The following DNAJC10 variants were observed in gnomAD, a reference collection of about 807,000 sequenced individuals.
The protein encoded by DNAJC10 is endoplasmic reticulum disulfide reductase DNAJC10.
In DNAJC10, 101 loss-of-function variants were observed where a neutral mutation model predicts 115.0. That is an observed-to-expected ratio of 0.88 (90% CI 0.75 to 1.04). DNAJC10 has a LOEUF of 1.04. Among genes scored for constraint, DNAJC10 ranks in the 50% least tolerant of loss-of-function variants. The pLI, the probability that DNAJC10 is intolerant of heterozygous loss-of-function variation, is 0.00. For synonymous variants in DNAJC10, 307 were observed against 301.5 expected, an observed-to-expected ratio of 1.02 and a Z score of -0.19; for missense variants, 981 against 928.8, an observed-to-expected ratio of 1.06 and a Z score of -0.73.
At chr2:182,743,560 A>G in intron 13 of DNAJC10, 38 bp from the exon 14 acceptor site, 1 of 1,400,212 alleles carries the variant, frequency 7.1e-7, no homozygotes, top group Non-Finnish European at 1.0e-6. Flanking sequence ...AATGGGTAAG[A>G]CAGTGTTTTT....
At position 182,765,559 on chromosome 2, in the gene DNAJC10, C is replaced by T. The variant is rs185352531; in HGVS notation, c.2265+2758C>T. The stretch of plus-strand genomic sequence containing the variant: ...TTAAGAAACCGATTCCATGCGGTTG[C>T]GAGGGCTTCCACAGCTGCAAGCCAA... On this transcript the variant is annotated intron_variant, in intron 22 of 23. Transcript: ENST00000264065. Among the ~76,000 whole-genome samples the T allele has an allele frequency of 1.2e-3, 188 of 152,268 alleles. 1 individual carries two copies. The highest frequency in any genetic ancestry group is 4.2e-3 in the African/African-American group (174 of 41,548).
chr2:182,717,108 T>G (rs1693013924), intron 2 of DNAJC10, 36 bp downstream of exon 2: 1 of 152,218 alleles, frequency 6.6e-6, no homozygotes, highest in Non-Finnish European at 1.5e-5. Context: ...CATTTAGGAT[T>G]AAATGAAAAA....
At chr2:182,722,384 G>T (rs1693171835) in intron 5 of DNAJC10, among the ~76,000 whole-genome samples, 1 of 152,126 alleles carries the variant, frequency 6.6e-6, no homozygotes, top group African/African-American at 2.4e-5. Context: ...AGAGCTTTTT[G>T]ATTTTAGAGT....
chr2:182,718,916 TTAAC>T (rs1261618004), intron 3 of DNAJC10, among the ~76,000 whole-genome samples: 2 of 152,168 alleles, frequency 1.3e-5, no homozygotes, highest in Non-Finnish European at 2.9e-5. Context: ...GCGTTCATCA[TTAAC>T]AAGAAGACAT....
intron 14 of DNAJC10, among the ~76,000 whole-genome samples, chr2:182,749,853 C>T (rs1251912402): frequency 4.6e-5 from 7 of 152,114 alleles, no homozygotes; most frequent in Admixed American, 2.0e-4. Flanking sequence ...GTTCCAGACA[C>T]GGATTTTCTC....
chr2:182,780,342 T>G lies in DNAJC10; in HGVS notation c.*3210T>G, dbSNP rs1026034719. 6.6e-6 allele frequency: 1 copy of G among 152,130 alleles called. No homozygotes were observed. Among genetic ancestry groups the G allele is most frequent in the Non-Finnish European group, 1.5e-5 (1 of 68,068 alleles). The allele number at this position is 152,130 out of a possible 1,614,324, so 9.4% of individuals were successfully genotyped here. ...TGTGTTTATTCCTGCAAGAGCTGGT[T>G]GTTAAAAGGAACTTGGCACCACCAC... is the stretch of plus-strand genomic sequence containing the variant. On this transcript the variant is annotated 3_prime_UTR_variant, in exon 24 of 24. Coordinates refer to ENST00000264065, the MANE Select transcript of DNAJC10 (RefSeq NM_018981.4).
intron 9 of DNAJC10, among the ~76,000 whole-genome samples, chr2:182,731,818 G>C (rs1693454384): frequency 6.6e-6 from 1 of 152,172 alleles, no homozygotes; most frequent in South Asian, 2.1e-4. Context: ...ATGCTAGAAA[G>C]ACACTGCCTT....
In DNAJC10 at chr2:182,743,459, T is replaced by A. The variant is rs181830713; in HGVS notation, c.1192-139T>A. 1,202 of 611,840 alleles carry A rather than the reference T, an allele frequency of 2.0e-3. 14 individuals are homozygous for A. In the African/African-American group the frequency reaches 0.021, roughly 11 times the overall value. 37.9% of individuals were successfully genotyped at this position (611,840 alleles called of 1,614,324 possible). ...ATTAAATGTAAATGAATTATTTCTG[T>A]CTCTTATTTTCGTAGCCTATTAGCT... On this transcript the variant is annotated intron_variant, in intron 13 of 23. Transcript: ENST00000264065.
At position 182,756,348 on chromosome 2, in the gene DNAJC10, C is replaced by A; in HGVS notation, c.1688C>A (p.Pro563His). 2 of 1,613,768 alleles carry A rather than the reference C, an allele frequency of 1.2e-6. No homozygotes were observed. Among genetic ancestry groups the A allele is most frequent in the Non-Finnish European group, 1.7e-6 (2 of 1,179,804 alleles). ...AATCCTTCAGTGGTCTCCCTTACACCCACCACCTTCAACGAACTAGTTACA... is the reference window on the plus strand; with the variant it reads ...AATCCTTCAGTGGTCTCCCTTACACACACCACCTTCAACGAACTAGTTACA... ...LMNPSVVSLT[P>H]TTFNELVTQR... is the part of the protein sequence containing the mutation. Residue 563 changes from proline (P) to histidine (H), a missense_variant, in exon 18 of 24, where the codon CCC becomes CAC. Physicochemically the swap from Pro to His is moderately conservative, Grantham distance 77. Coordinates refer to ENST00000264065, the MANE Select transcript of DNAJC10 (RefSeq NM_018981.4).
At position 182,720,179 on chromosome 2, in the gene DNAJC10, T is replaced by G. The variant is rs755503148; in HGVS notation, c.367+10T>G. 1.9e-6 allele frequency: 3 copies of G among 1,594,428 alleles called. No individual in the cohort carries two copies. The highest frequency in any genetic ancestry group is 2.6e-6 in the Non-Finnish European group (3 of 1,170,902). On this transcript the variant is annotated intron_variant, in intron 4 of 23. Transcript: ENST00000264065. ...TATCGTTATGATTTTGGTAAGGTGA[T>G]ACGATATTACTTATGAAATGTGTTT...
At chr2:182,731,727 T>C (rs1249922912) in intron 9 of DNAJC10, among the ~76,000 whole-genome samples, 2 of 152,198 alleles carry the variant, frequency 1.3e-5, no homozygotes. Context: ...CCACATTTCA[T>C]CTCTCAGCCT....
rs909123638 is a variant in DNAJC10, at chr2:182,739,787, A to G, written c.988-512A>G. On this transcript the variant is annotated intron_variant, in intron 11 of 23. Transcript: ENST00000264065. ...AAACCTCTATAATGAGCAAAAGTCC[A>G]TTCCAATTTTCCACTTCTAAGTTCC... 7.0e-6 allele frequency: 7 copies of G among 994,928 alleles called. No homozygotes were observed. The African/African-American group carries it at 8.7e-5, about 12-fold the overall frequency. 61.6% of individuals were successfully genotyped at this position (994,928 alleles called of 1,614,324 possible). A position where few individuals can be genotyped will look rare whatever the true frequency, so the allele number is the denominator to read the frequency against.
chr2:182,748,867 G>A (rs952829328), intron 14 of DNAJC10, among the ~76,000 whole-genome samples: 9 of 151,746 alleles, frequency 5.9e-5, no homozygotes, highest in South Asian at 4.2e-4. Flanking sequence ...CTTTGTTCTC[G>A]TTGGTTTCAA....
intron 14 of DNAJC10, among the ~76,000 whole-genome samples, chr2:182,750,800 A>G (rs1484877672): frequency 6.6e-6 from 1 of 152,210 alleles, no homozygotes; most frequent in Non-Finnish European, 1.5e-5. Flanking sequence ...ACAGAGTTAC[A>G]ACAGCCACAC....
At chr2:182,734,461 A>C (rs998930010) in intron 10 of DNAJC10, among the ~76,000 whole-genome samples, 1 of 151,582 alleles carries the variant, frequency 6.6e-6, no homozygotes, top group Non-Finnish European at 1.5e-5. Flanking sequence ...AGTTTTTTTA[A>C]GTTGTTAAGC....
chr2:182,758,765 A>C (rs1482424435), intron 19 of DNAJC10, 72 bp from the exon 20 acceptor site: 5 of 1,084,174 alleles, frequency 4.6e-6, no homozygotes, highest in Non-Finnish European at 7.0e-6. Flanking sequence ...AAATTGCTAC[A>C]ATAAGATTGT....
At chr2:182,727,774 C>A (rs948978219) in intron 5 of DNAJC10, among the ~76,000 whole-genome samples, 3 of 152,094 alleles carry the variant, frequency 2.0e-5, no homozygotes, top group African/African-American at 7.2e-5. Flanking sequence ...ATATGGAAAT[C>A]CTTTAACCAA....
intron 7 of DNAJC10, 180 bp downstream of exon 7, chr2:182,729,174 A>G: frequency 1.7e-6 from 1 of 588,526 alleles, no homozygotes; most frequent in Non-Finnish European, 2.8e-6. Flanking sequence ...TTTGAGATGG[A>G]GTCTCACTCT....
At chr2:182,774,827 A>T (rs538357160) in intron 22 of DNAJC10, among the ~76,000 whole-genome samples, 12 of 151,436 alleles carry the variant, frequency 7.9e-5, no homozygotes, top group African/African-American at 2.9e-4. Flanking sequence ...ACCCCCCCCA[A>T]TCCCCGCCCT....
Sources: allele counts gnomAD v4.1 joint callset (sites outside exome capture counted in the v4.1 genomes callset), GRCh38; gene constraint gnomAD v4.1.1; transcripts MANE v1.5; gene names NCBI Gene and HGNC (gene_info 2026-07-23, HGNC 2026-07-21).